SLC24A2: variants seen among roughly 807,000 people sequenced by gnomAD.
SLC24A2 encodes the protein solute carrier family 24 member 2.
A neutral mutation model predicts 62.0 loss-of-function variants in SLC24A2; 36 were observed. That is an observed-to-expected ratio of 0.58 (90% CI 0.44 to 0.77). The LOEUF (loss-of-function observed/expected upper bound fraction) is 0.77. Ranked by LOEUF, SLC24A2 falls within the 30% of genes least tolerant of loss-of-function variation. The pLI is 0.00. For missense variants in SLC24A2, 846 were observed against 817.9 expected (o/e 1.03, Z -0.42); for synonymous variants, 358 against 294.0 (o/e 1.22, Z -2.23).
chr9:19,532,111 T>G (rs1346085157), intron 8 of SLC24A2, among the ~76,000 whole-genome samples: 3 of 152,140 alleles, frequency 2.0e-5, no homozygotes, highest in Admixed American at 6.5e-5. Context: ...TGACAGAGTT[T>G]CCCTGTTGTT....
chr9:19,542,604 G>A (rs7872616), intron 8 of SLC24A2, among the ~76,000 whole-genome samples: 11,338 of 152,222 alleles, frequency 0.074, 1,409 homozygotes, highest in African/African-American at 0.26. Context: ...ATTGAGATAC[G>A]TTCAATCAGT....
chr9:19,616,740 A>G (rs1817778243), intron 4 of SLC24A2, among the ~76,000 whole-genome samples: 1 of 152,192 alleles, frequency 6.6e-6, no homozygotes, highest in Non-Finnish European at 1.5e-5. Context: ...GAAACAGGCA[A>G]TAAATAAACA....
At chr9:19,677,104 C>T (rs766075715) in intron 2 of SLC24A2, among the ~76,000 whole-genome samples, 12 of 152,198 alleles carry the variant, frequency 7.9e-5, no homozygotes, top group Non-Finnish European at 1.2e-4. Flanking sequence ...CAATATAAAT[C>T]TTCTATTCTA....
At chr9:19,917,879 C>G in the SLC24A2 span, among the ~76,000 whole-genome samples, 1 of 151,994 alleles carries the variant, frequency 6.6e-6, no homozygotes, top group African/African-American at 2.4e-5. Context: ...ACTTTAACAA[C>G]AGTATTATAT....
the SLC24A2 span, among the ~76,000 whole-genome samples, chr9:20,073,876 G>GTGTA: frequency 8.6e-6 from 1 of 116,854 alleles, no homozygotes; most frequent in Admixed American, 8.3e-5. Flanking sequence ...ATATGTGCGT[G>GTGTA]TATATATATA....
the SLC24A2 span, among the ~76,000 whole-genome samples, chr9:19,945,690 T>C: frequency 6.6e-6 from 1 of 152,206 alleles, no homozygotes; most frequent in Admixed American, 6.5e-5. Flanking sequence ...GATGAAGAAT[T>C]GGAGACTCAA....
the SLC24A2 span, chr9:19,927,861 G>A: frequency 1.3e-5 from 2 of 152,264 alleles, no homozygotes; most frequent in African/African-American, 4.8e-5. Context: ...GCTCAGTAAG[G>A]GACCAAACCA....
chr9:19,521,187 T>C (rs1194291803), intron 9 of SLC24A2, 127 bp from the exon 10 acceptor site: 3 of 829,508 alleles, frequency 3.6e-6, no homozygotes, highest in Admixed American at 4.0e-5. Flanking sequence ...GCTGAGATGA[T>C]AAAGATGAAT....
the SLC24A2 span, among the ~76,000 whole-genome samples, chr9:19,969,407 C>G: frequency 2.6e-5 from 4 of 152,178 alleles, no homozygotes; most frequent in Non-Finnish European, 5.9e-5. Context: ...CTCACTATCT[C>G]TCTGAAAGTC....
At chr9:19,658,775 C>T (rs536278243) in intron 2 of SLC24A2, among the ~76,000 whole-genome samples, 6 of 152,220 alleles carry the variant, frequency 3.9e-5, no homozygotes, top group East Asian at 1.9e-4. Flanking sequence ...AGAGAGAGCT[C>T]GGAATACTGA....
At chr9:20,289,657 C>A in the SLC24A2 span, among the ~76,000 whole-genome samples, 1 of 152,298 alleles carries the variant, frequency 6.6e-6, no homozygotes, top group East Asian at 1.9e-4. Context: ...TGTCTTGTGT[C>A]TCCAGCAGCA....
chr9:19,830,158 A>C, the SLC24A2 span, among the ~76,000 whole-genome samples: 7 of 152,050 alleles, frequency 4.6e-5, no homozygotes, highest in Admixed American at 4.6e-4. Flanking sequence ...CCTTGAGGCC[A>C]CTTTGAGTAG....
intron 2 of SLC24A2, among the ~76,000 whole-genome samples, chr9:19,739,334 G>T (rs1265308018): frequency 6.6e-6 from 1 of 152,188 alleles, no homozygotes; most frequent in Non-Finnish European, 1.5e-5. Flanking sequence ...TAATTTGAAA[G>T]TTGACAAGCT....
At chr9:19,865,417 A>C in the SLC24A2 span, among the ~76,000 whole-genome samples, 1 of 152,176 alleles carries the variant, frequency 6.6e-6, no homozygotes, top group East Asian at 1.9e-4. Flanking sequence ...AGCAAAAAGG[A>C]AAAAACTGTA....
the SLC24A2 span, among the ~76,000 whole-genome samples, chr9:20,008,626 C>A: frequency 6.6e-6 from 1 of 152,144 alleles, no homozygotes; most frequent in Non-Finnish European, 1.5e-5. Context: ...GTAGAGTGTG[C>A]TCCCATCTTC....
the SLC24A2 span, among the ~76,000 whole-genome samples, chr9:19,816,932 A>G: frequency 3.3e-5 from 5 of 152,110 alleles, no homozygotes; most frequent in Admixed American, 6.6e-5. Flanking sequence ...TACAAACTAT[A>G]TCACTACCTA....
chr9:20,152,518 G>T, the SLC24A2 span, among the ~76,000 whole-genome samples: 99 of 151,998 alleles, frequency 6.5e-4, no homozygotes, highest in South Asian at 0.02. Context: ...TAAAGTAAAA[G>T]TGAGAGGTGT....
Position 19,582,458 on chromosome 9 carries a change from G to T in SLC24A2, c.1130-5436C>A, listed in dbSNP as rs375630531. Among the ~76,000 whole-genome samples the T allele has an allele frequency of 7.0e-4, 106 of 152,280 alleles. 3 individuals carry two copies. The South Asian group carries it at 0.021, about 30-fold the overall frequency. On this transcript the variant is annotated intron_variant, in intron 5 of 10. Transcript: ENST00000341998. ...ACACAGAAACAACGATGGGACAAAAGAGAGAAAAAGATGCAAAGAGAGTGG... is the reference window on the plus strand; with the variant it reads ...ACACAGAAACAACGATGGGACAAAATAGAGAAAAAGATGCAAAGAGAGTGG...
chr9:19,627,954 ATTATC>A (rs1331718458), intron 2 of SLC24A2, among the ~76,000 whole-genome samples: 3 of 152,218 alleles, frequency 2.0e-5, no homozygotes, highest in African/African-American at 7.2e-5. Context: ...ATTCCAAATA[ATTATC>A]TTGTGCACTC....
Sources: gnomAD v4.1 joint callset for allele counts (sites outside exome capture counted in the v4.1 genomes callset) on GRCh38, gnomAD v4.1.1 for gene constraint, MANE v1.5 for transcripts, NCBI Gene and HGNC (gene_info 2026-07-23, HGNC 2026-07-21) for gene names.